The following NECAB1 variants were observed in gnomAD, a reference collection of about 807,000 sequenced individuals.
NECAB1 encodes the protein N-terminal EF-hand calcium-binding protein 1.
A neutral mutation model predicts 57.5 loss-of-function variants in NECAB1; 29 were observed. That is an observed-to-expected ratio of 0.50 (90% CI 0.38 to 0.69). The LOEUF (loss-of-function observed/expected upper bound fraction) is 0.69. NECAB1 is among the 30% of genes least tolerant of loss of function. The probability of loss-of-function intolerance (pLI) is 0.00; values close to 1 mark genes in which losing one functional copy is unlikely to be tolerated. For synonymous variants in NECAB1, 142 were observed against 147.7 expected (o/e 0.96, Z 0.28); for missense variants, 372 against 413.8 (o/e 0.90, Z 0.88).
intron 9 of NECAB1, 84 bp downstream of exon 9, chr8:90,934,441 T>A: frequency 1.1e-6 from 1 of 897,682 alleles, no homozygotes; most frequent in Non-Finnish European, 1.6e-6. Flanking sequence ...GTTATCTCAA[T>A]GAAAAATTGA....
At chr8:90,876,627 A>G (rs1808731497) in intron 4 of NECAB1, among the ~76,000 whole-genome samples, 1 of 152,070 alleles carries the variant, frequency 6.6e-6, no homozygotes, top group Admixed American at 6.6e-5. Context: ...TGGTAATGCA[A>G]CACCACTGAT....
chr8:90,810,989 C>T (rs1204084274), intron 2 of NECAB1, among the ~76,000 whole-genome samples: 2 of 151,110 alleles, frequency 1.3e-5, no homozygotes, highest in Non-Finnish European at 2.9e-5. Flanking sequence ...GCTCTGTCTC[C>T]CAGGCTGGAG....
chr8:90,816,927 T>C (rs551439367), intron 2 of NECAB1, among the ~76,000 whole-genome samples: 2 of 151,756 alleles, frequency 1.3e-5, no homozygotes, highest in South Asian at 4.2e-4. Flanking sequence ...TGATATTGAG[T>C]TTCCAACCCA....
intron 7 of NECAB1, among the ~76,000 whole-genome samples, chr8:90,925,943 A>G (rs1186718001): frequency 3.3e-5 from 5 of 152,206 alleles, no homozygotes; most frequent in South Asian, 2.1e-4. Flanking sequence ...CTTGACGTCT[A>G]TAAGGACCCC....
chr8:90,885,572 T>G (rs1447579308), intron 5 of NECAB1, among the ~76,000 whole-genome samples: 1 of 152,168 alleles, frequency 6.6e-6, no homozygotes, highest in East Asian at 1.9e-4. Context: ...CACATCTTAG[T>G]AAGGAATGTT....
At chr8:90,863,658 G>A (rs1808453124) in intron 3 of NECAB1, among the ~76,000 whole-genome samples, 1 of 152,270 alleles carries the variant, frequency 6.6e-6, no homozygotes, top group African/African-American at 2.4e-5. Flanking sequence ...AAGGAGATGA[G>A]AGAGTGTTAT....
At chr8:90,901,505 T>C (rs1809502633) in intron 5 of NECAB1, among the ~76,000 whole-genome samples, 2 of 152,234 alleles carry the variant, frequency 1.3e-5, no homozygotes, top group South Asian at 4.1e-4. Flanking sequence ...GCTTTAAACA[T>C]CTTTTGATAA....
chr8:90,866,622 C>G (rs1286503809), intron 3 of NECAB1, among the ~76,000 whole-genome samples: 1 of 152,104 alleles, frequency 6.6e-6, no homozygotes, highest in East Asian at 1.9e-4. Flanking sequence ...TAAATATAAT[C>G]AGGAAAAGCA....
intron 3 of NECAB1, among the ~76,000 whole-genome samples, chr8:90,854,224 A>G (rs755276604): frequency 6.6e-6 from 1 of 152,142 alleles, no homozygotes; most frequent in Non-Finnish European, 1.5e-5. Context: ...CCTTTCTATT[A>G]TTGGTTCATC....
At chr8:90,808,361 C>A (rs1811889838) in intron 2 of NECAB1, among the ~76,000 whole-genome samples, 1 of 152,140 alleles carries the variant, frequency 6.6e-6, no homozygotes, top group Non-Finnish European at 1.5e-5. Flanking sequence ...TACTCTGCTC[C>A]ATCTAGATCC....
intron 4 of NECAB1, among the ~76,000 whole-genome samples, chr8:90,877,817 T>G (rs781139632): frequency 6.6e-6 from 1 of 152,188 alleles, no homozygotes; most frequent in East Asian, 1.9e-4. Context: ...TTTGTTTCCT[T>G]GCTGCCTCCC....
intron 3 of NECAB1, among the ~76,000 whole-genome samples, chr8:90,863,323 C>T (rs1302176875): frequency 6.6e-6 from 1 of 152,006 alleles, no homozygotes; most frequent in Non-Finnish European, 1.5e-5. Context: ...TGAGGCATGC[C>T]AGGTTCAGAA....
At chr8:90,834,069 A>G (rs1812331284) in intron 3 of NECAB1, among the ~76,000 whole-genome samples, 2 of 145,480 alleles carry the variant, frequency 1.4e-5, no homozygotes, top group South Asian at 4.6e-4. Context: ...AGGCTAAGGT[A>G]TGAGAATTGA....
At chr8:90,945,669 C>T (rs547866530) in intron 10 of NECAB1, among the ~76,000 whole-genome samples, 3 of 152,250 alleles carry the variant, frequency 2.0e-5, no homozygotes, top group Non-Finnish European at 2.9e-5. Flanking sequence ...GGGAAAGTCC[C>T]GTCCATTATG....
At chr8:90,829,552 C>T (rs1461249445) in intron 3 of NECAB1, among the ~76,000 whole-genome samples, 1 of 152,032 alleles carries the variant, frequency 6.6e-6, no homozygotes, top group East Asian at 1.9e-4. Flanking sequence ...AGTGAACATA[C>T]AGAAAAGCAT....
At chr8:90,937,172 C>T (rs1481235798) in intron 9 of NECAB1, among the ~76,000 whole-genome samples, 1 of 152,122 alleles carries the variant, frequency 6.6e-6, no homozygotes, top group African/African-American at 2.4e-5. Flanking sequence ...TAAGGGAATT[C>T]TAAGATTAGT....
At chr8:90,861,243 A>T (rs2129810438) in intron 3 of NECAB1, among the ~76,000 whole-genome samples, 1 of 152,240 alleles carries the variant, frequency 6.6e-6, no homozygotes, top group Admixed American at 6.5e-5. Flanking sequence ...GGAGAGGTTG[A>T]CCCACAGGCA....
At chr8:90,913,952 G>A (rs1366450268) in intron 5 of NECAB1, among the ~76,000 whole-genome samples, 1 of 152,212 alleles carries the variant, frequency 6.6e-6, no homozygotes, top group Non-Finnish European at 1.5e-5. Flanking sequence ...GAGCCCACAT[G>A]ACTGGGCAAG....
intron 5 of NECAB1, among the ~76,000 whole-genome samples, chr8:90,893,788 A>G (rs1809252098): frequency 6.6e-6 from 1 of 152,138 alleles, no homozygotes; most frequent in Non-Finnish European, 1.5e-5. Flanking sequence ...TCTGGGGAAA[A>G]GAAAGGGATT....
Sources: allele counts gnomAD v4.1 joint callset (sites outside exome capture counted in the v4.1 genomes callset), GRCh38; gene constraint gnomAD v4.1.1; transcripts MANE v1.5; gene names NCBI Gene and HGNC (gene_info 2026-07-23, HGNC 2026-07-21).